The following VPS8 variants were observed in gnomAD, a reference collection of about 807,000 sequenced individuals.
VPS8 encodes the protein vacuolar protein sorting-associated protein 8 homolog.
In VPS8, 129 loss-of-function variants were observed where a neutral mutation model predicts 216.4. The observed-to-expected ratio is 0.60, with a 90% CI of 0.52 to 0.69. VPS8 has a LOEUF of 0.69. Ranked by LOEUF, VPS8 falls within the 30% of genes least tolerant of loss-of-function variation. The probability of loss-of-function intolerance (pLI) is 0.00; values close to 1 mark genes in which losing one functional copy is unlikely to be tolerated. For synonymous variants in VPS8, 571 were observed against 565.4 expected (o/e 1.01, Z -0.14); for missense variants, 1,531 against 1,683.5 (o/e 0.91, Z 1.59).
chr3:184,921,807 C>T (rs540579114), intron 29 of VPS8, among the ~76,000 whole-genome samples: 4 of 152,234 alleles, frequency 2.6e-5, no homozygotes, highest in East Asian at 1.9e-4. Flanking sequence ...TCAGGTAATC[C>T]GCCCACCTCA....
At chr3:184,927,253 T>A (rs1015241200) in intron 31 of VPS8, among the ~76,000 whole-genome samples, 1 of 152,200 alleles carries the variant, frequency 6.6e-6, no homozygotes, top group African/African-American at 2.4e-5. Flanking sequence ...CCATTTTGTA[T>A]TGATAGCCAG....
chr3:184,923,226 C>T (rs192043648), intron 29 of VPS8, among the ~76,000 whole-genome samples: 2 of 152,028 alleles, frequency 1.3e-5, no homozygotes, highest in Admixed American at 6.5e-5. Flanking sequence ...TAGAGTTGCC[C>T]CCATGAATTC....
At chr3:184,980,123 A>G (rs745420405) in intron 40 of VPS8, among the ~76,000 whole-genome samples, 7 of 152,110 alleles carry the variant, frequency 4.6e-5, no homozygotes, top group Non-Finnish European at 8.8e-5. Flanking sequence ...TAAGCCCCCA[A>G]TCCCTTCTGG....
chr3:184,924,241 C>T (rs1321625194), intron 29 of VPS8, among the ~76,000 whole-genome samples: 1 of 152,210 alleles, frequency 6.6e-6, no homozygotes, highest in Non-Finnish European at 1.5e-5. Context: ...AGTTATCTTA[C>T]TCTCAAACCT....
chr3:184,894,524 A>ATATATATATATG (rs1448197250), intron 22 of VPS8, among the ~76,000 whole-genome samples, 179 bp from the exon 23 acceptor site: 1 of 137,772 alleles, frequency 7.3e-6, no homozygotes, highest in East Asian at 2.0e-4. Flanking sequence ...ATATATATAT[A>ATATATATATATG]TATATATACA....
chr3:184,996,727 AATAG>A (rs1346095831), intron 44 of VPS8, among the ~76,000 whole-genome samples: 1 of 152,180 alleles, frequency 6.6e-6, no homozygotes, highest in Non-Finnish European at 1.5e-5. Context: ...ACACAGGACA[AATAG>A]ATAGAAGGAT....
chr3:184,940,769 C>G (rs1742540518), intron 36 of VPS8, among the ~76,000 whole-genome samples: 1 of 152,174 alleles, frequency 6.6e-6, no homozygotes, highest in Non-Finnish European at 1.5e-5. Context: ...CAAATAAAAG[C>G]AAACTCAAGG....
intron 36 of VPS8, among the ~76,000 whole-genome samples, chr3:184,950,352 G>T (rs1363627264): frequency 4.8e-5 from 7 of 146,722 alleles, no homozygotes; most frequent in South Asian, 2.2e-4. Context: ...ATAGAGCAGA[G>T]AATTTAAGCA....
At position 184,930,365 on chromosome 3, in the gene VPS8, A is replaced by G. The variant is rs1362898015; in HGVS notation, c.2800-105A>G. The G allele has an allele frequency of 3.7e-5, 24 of 655,746 alleles. No homozygotes were observed. In the East Asian group the frequency reaches 5.9e-4, roughly 16 times the overall value. 40.6% of individuals were successfully genotyped at this position (655,746 alleles called of 1,614,324 possible). A position where few individuals can be genotyped will look rare whatever the true frequency, so the allele number is the denominator to read the frequency against. On this transcript the variant is annotated intron_variant, in intron 33 of 47. Coordinates refer to ENST00000625842, the MANE Select transcript of VPS8 (RefSeq NM_001009921.3). ...TCCATCAGTTAACTATCTCCAGATA[A>G]TTTTTCATCTTCAGATAATAGATGT...
In VPS8 at chr3:184,849,189, A is replaced by T. The variant is rs765543515; in HGVS notation, c.660A>T (p.Lys220Asn). 6.2e-7 allele frequency: 1 copy of T among 1,613,062 alleles called. No homozygotes were observed. The highest frequency in any genetic ancestry group is 1.1e-5 in the South Asian group (1 of 91,062). Residue 220 changes from lysine to asparagine, a missense_variant, in exon 9 of 48, where the codon AAA becomes AAT. Around this residue, in one of 3 missense-constraint regions of VPS8, gnomAD observed 1,318 missense variants for 1,468.4 expected, o/e 0.90. Transcript: ENST00000625842. The part of the protein sequence containing the change: ...DCSRLLCGFA[K>N]GQITMWDLAS... ...CAAGACTTCTTTGTGGCTTTGCTAA[A>T]GGACAGGTAAGATATGAACCTCCTT...
intron 7 of VPS8, among the ~76,000 whole-genome samples, chr3:184,842,531 T>C (rs1722379752): frequency 6.6e-6 from 1 of 152,186 alleles, no homozygotes; most frequent in Non-Finnish European, 1.5e-5. Flanking sequence ...CATTACTGTT[T>C]ATAGGAATCA....
chr3:184,982,778 A>G, intron 41 of VPS8, 131 bp downstream of exon 41: 1 of 773,442 alleles, frequency 1.3e-6, no homozygotes. Context: ...GAAACCATAT[A>G]GTATGGTTGA....
chr3:184,889,991 G>A lies in VPS8; in HGVS notation c.1781+3835G>A, dbSNP rs190331269. On this transcript the variant is annotated intron_variant, in intron 22 of 47. Coordinates refer to ENST00000625842, the MANE Select transcript of VPS8 (RefSeq NM_001009921.3). ...ATTCTATGTTTAATTAAATAGTTCA[G>A]TCTAACCACTTAAATGGTAGAGTTT... 4.9e-3 allele frequency among the ~76,000 whole-genome samples: 741 copies of A among 152,256 alleles called. 3 individuals are homozygous for A. The highest frequency in any genetic ancestry group is 0.014 in the Middle Eastern group (4 of 294).
At chr3:185,022,394 A>G (rs949761248) in intron 45 of VPS8, among the ~76,000 whole-genome samples, 58 of 152,338 alleles carry the variant, frequency 3.8e-4, no homozygotes, top group Admixed American at 7.8e-4. Flanking sequence ...TGTTTTTGCT[A>G]GAATTCACTG....
At chr3:184,853,498 C>T (rs764333749) in intron 11 of VPS8, among the ~76,000 whole-genome samples, 1 of 152,122 alleles carries the variant, frequency 6.6e-6, no homozygotes, top group Admixed American at 6.5e-5. Flanking sequence ...TTTGAGGTGG[C>T]CACAAACTTG....
chr3:184,905,688 A>G (rs1409992173), intron 25 of VPS8, among the ~76,000 whole-genome samples: 1 of 149,982 alleles, frequency 6.7e-6, no homozygotes, highest in East Asian at 2.0e-4. Context: ...CAATATCAAT[A>G]TATAAAAAGT....
At chr3:184,865,673 T>TA (rs1727210299) in intron 16 of VPS8, among the ~76,000 whole-genome samples, 1 of 152,208 alleles carries the variant, frequency 6.6e-6, no homozygotes, top group South Asian at 2.1e-4. Flanking sequence ...CTGTGGAAGA[T>TA]AGTTTGGCAC....
At chr3:184,889,067 T>G (rs1330992252) in intron 22 of VPS8, among the ~76,000 whole-genome samples, 6 of 152,234 alleles carry the variant, frequency 3.9e-5, no homozygotes, top group Admixed American at 3.9e-4. Flanking sequence ...TTTTCTTTTT[T>G]ATATGATTTG....
At chr3:184,905,938 T>A (rs1031941667) in intron 25 of VPS8, among the ~76,000 whole-genome samples, 1 of 152,116 alleles carries the variant, frequency 6.6e-6, no homozygotes, top group Admixed American at 6.5e-5. Context: ...GGGAGTAAAA[T>A]TGGTTCAATC....
Sources: gnomAD v4.1 joint callset for allele counts (sites outside exome capture counted in the v4.1 genomes callset) on GRCh38, gnomAD v4.1.1 for gene constraint, gnomAD v4.1.1 regional missense constraint, MANE v1.5 for transcripts, NCBI Gene and HGNC (gene_info 2026-07-23, HGNC 2026-07-21) for gene names.